The following CPQ variants were observed in gnomAD, a reference collection of about 807,000 sequenced individuals.
CPQ encodes Ser-Met dipeptidase.
CPQ carries 37 observed loss-of-function variants against 45.7 expected under a neutral mutation model. The ratio of observed to expected loss-of-function variants is 0.81; its 90% CI spans 0.62 to 1.07. CPQ has a LOEUF of 1.07. Ranked by LOEUF, CPQ falls within the 50% of genes least tolerant of loss-of-function variation. The pLI, the probability that CPQ is intolerant of heterozygous loss-of-function variation, is 0.00. For synonymous variants in CPQ, 186 were observed against 205.8 expected, an observed-to-expected ratio of 0.90 and a Z score of 0.82; for missense variants, 537 against 572.9, an observed-to-expected ratio of 0.94 and a Z score of 0.64.
rs568716474 is a variant in CPQ, at chr8:96,992,056, T to C, written c.961+26010T>C. ...CTTACACAGATTGATTCTATATCCC[T>C]TGATGGGTGTGTGGCAGCAATCATC... On this transcript the variant is annotated intron_variant, in intron 5 of 7. Coordinates refer to ENST00000220763, the MANE Select transcript of CPQ (RefSeq NM_016134.4). Among the ~76,000 whole-genome samples the C allele has an allele frequency of 3.3e-5, 5 of 152,316 alleles. No homozygotes were observed. The South Asian group carries it at 1.0e-3, about 32-fold the overall frequency.
chr8:96,968,403 T>C (rs1813606276), intron 5 of CPQ, among the ~76,000 whole-genome samples: 1 of 152,258 alleles, frequency 6.6e-6, no homozygotes, highest in South Asian at 2.1e-4. Flanking sequence ...ATTGCCTATG[T>C]ATTTTAACAT....
chr8:97,094,285 G>T (rs1267446982), intron 7 of CPQ, among the ~76,000 whole-genome samples: 1 of 152,144 alleles, frequency 6.6e-6, no homozygotes, highest in Non-Finnish European at 1.5e-5. Flanking sequence ...TTAGTATTCA[G>T]CACAGCTTTG....
chr8:96,775,890 T>C (rs1810598972), intron 1 of CPQ, among the ~76,000 whole-genome samples: 1 of 152,140 alleles, frequency 6.6e-6, no homozygotes. Flanking sequence ...TCATCCATAT[T>C]AAAAACAACT....
At chr8:96,850,983 A>T (rs1409995777) in intron 3 of CPQ, among the ~76,000 whole-genome samples, 1 of 152,156 alleles carries the variant, frequency 6.6e-6, no homozygotes, top group Non-Finnish European at 1.5e-5. Flanking sequence ...CCCTTTACTG[A>T]TCTAGCTTTT....
intron 1 of CPQ, among the ~76,000 whole-genome samples, chr8:96,692,683 C>G (rs1317767071): frequency 6.6e-6 from 1 of 152,132 alleles, no homozygotes; most frequent in East Asian, 1.9e-4. Context: ...GACCACAACA[C>G]CCAAGTCCTT....
At chr8:97,137,428 G>A (rs1812079851) in intron 7 of CPQ, among the ~76,000 whole-genome samples, 1 of 152,078 alleles carries the variant, frequency 6.6e-6, no homozygotes, top group Non-Finnish European at 1.5e-5. Context: ...TTCACCCTCA[G>A]TGACTTCTGT....
intron 1 of CPQ, among the ~76,000 whole-genome samples, chr8:96,676,624 G>A (rs990377863): frequency 2.6e-5 from 4 of 152,150 alleles, no homozygotes; most frequent in African/African-American, 7.2e-5. Context: ...ACATGAAAAT[G>A]TAGGTATCCC....
rs541313876 is a variant in CPQ, at chr8:96,815,484, G to A, written c.434-19489G>A. Among the ~76,000 whole-genome samples the A allele has an allele frequency of 5.3e-5, 8 of 152,012 alleles. No homozygotes were observed. The South Asian group carries it at 1.7e-3, about 32-fold the overall frequency. On this transcript the variant is annotated intron_variant, in intron 2 of 7. Transcript: ENST00000220763. ...GCTATTAAGGTCAGACCTGAGGAAA[G>A]CAGATCACAGTTGAGGGGGTTGGAG...
At chr8:96,949,830 C>T (rs541444916) in intron 4 of CPQ, among the ~76,000 whole-genome samples, 2 of 152,060 alleles carry the variant, frequency 1.3e-5, no homozygotes, top group Non-Finnish European at 2.9e-5. Context: ...AAATCTGGAG[C>T]CTTGCAGGTT....
intron 5 of CPQ, among the ~76,000 whole-genome samples, chr8:97,021,906 AAAAG>A (rs1194163333): frequency 6.6e-6 from 1 of 152,210 alleles, no homozygotes; most frequent in Non-Finnish European, 1.5e-5. Context: ...CAGAACCAAA[AAAAG>A]AGCCCACATA....
At chr8:97,005,869 A>AT (rs1274043852) in intron 5 of CPQ, among the ~76,000 whole-genome samples, 9 of 152,124 alleles carry the variant, frequency 5.9e-5, no homozygotes, top group Non-Finnish European at 1.2e-4. Flanking sequence ...TCCAGAGGAA[A>AT]TTTTTTTATC....
intron 2 of CPQ, among the ~76,000 whole-genome samples, chr8:96,831,387 A>G (rs1414624514): frequency 6.6e-6 from 1 of 152,140 alleles, no homozygotes; most frequent in African/African-American, 2.4e-5. Context: ...GAGAGTTGCA[A>G]TTATTAATAG....
chr8:97,038,574 G>A (rs1165189388), intron 6 of CPQ, among the ~76,000 whole-genome samples: 1 of 152,124 alleles, frequency 6.6e-6, no homozygotes, highest in African/African-American at 2.4e-5. Flanking sequence ...TACATGTACT[G>A]GGGCCTTACT....
intron 7 of CPQ, among the ~76,000 whole-genome samples, chr8:97,118,181 G>A (rs777318933): frequency 1.3e-5 from 2 of 152,136 alleles, no homozygotes; most frequent in Non-Finnish European, 2.9e-5. Flanking sequence ...ATAGTATAAT[G>A]TAAGGAAGTT....
chr8:96,763,251 T>TG (rs1319204279), intron 1 of CPQ, among the ~76,000 whole-genome samples: 1 of 152,198 alleles, frequency 6.6e-6, no homozygotes, highest in Admixed American at 6.6e-5. Flanking sequence ...CATATGAATT[T>TG]GGGGGGTACA....
chr8:96,687,623 ATTCT>A (rs1470605306), intron 1 of CPQ, among the ~76,000 whole-genome samples: 6 of 147,858 alleles, frequency 4.1e-5, no homozygotes, highest in Non-Finnish European at 7.5e-5. Context: ...TATCTCTTTC[ATTCT>A]TTCTTGTTTA....
chr8:97,040,690 C>G (rs1254655964), intron 6 of CPQ, among the ~76,000 whole-genome samples: 1 of 152,024 alleles, frequency 6.6e-6, no homozygotes, highest in Non-Finnish European at 1.5e-5. Context: ...CCAGTTTCAG[C>G]TTTCTACATA....
At position 97,143,363 on chromosome 8, in the gene CPQ, A is replaced by G. The variant is rs1401839491; in HGVS notation, c.*180A>G. The G allele has an allele frequency of 6.7e-6, 4 of 601,362 alleles. No individual in the cohort carries two copies. Among genetic ancestry groups the G allele is most frequent in the African/African-American group, 5.6e-5 (3 of 53,368 alleles). 37.3% of individuals were successfully genotyped at this position (601,362 alleles called of 1,614,324 possible). A position where few individuals can be genotyped will look rare whatever the true frequency, so the allele number is the denominator to read the frequency against. ...AAATTCTCTGATTCTAGAAAAAGGA[A>G]TCATTCTCCCCTCCCTCCCACCACA... On this transcript the variant is annotated 3_prime_UTR_variant, in exon 8 of 8. Coordinates refer to ENST00000220763, the MANE Select transcript of CPQ (RefSeq NM_016134.4).
chr8:97,051,056 A>G (rs1419084203), intron 6 of CPQ, among the ~76,000 whole-genome samples: 3 of 152,168 alleles, frequency 2.0e-5, no homozygotes, highest in Non-Finnish European at 4.4e-5. Flanking sequence ...TGACAGAACC[A>G]GTACTCCAAC....
Sources: gnomAD v4.1 joint callset for allele counts (sites outside exome capture counted in the v4.1 genomes callset) on GRCh38, gnomAD v4.1.1 for gene constraint, MANE v1.5 for transcripts, NCBI Gene and HGNC (gene_info 2026-07-23, HGNC 2026-07-21) for gene names.